Variants in SV2C observed in about 807,000 individuals in gnomAD.
The protein encoded by SV2C is solute carrier family 22 member B3.
SV2C carries 49 observed loss-of-function variants against 79.7 expected under a neutral mutation model. The ratio of observed to expected loss-of-function variants is 0.61; its 90% CI spans 0.49 to 0.78. The LOEUF (loss-of-function observed/expected upper bound fraction) is 0.78. Ranked by LOEUF, SV2C falls within the 30% of genes least tolerant of loss-of-function variation. The pLI is 0.00. For synonymous variants in SV2C, 334 were observed against 333.2 expected (o/e 1.00, Z -0.03); for missense variants, 833 against 912.9 (o/e 0.91, Z 1.13).
downstream of SV2C, among the ~76,000 whole-genome samples, chr5:76,336,103 ACCC>A (rs746216500): frequency 4.6e-5 from 2 of 43,526 alleles, no homozygotes; most frequent in Non-Finnish European, 1.5e-4. Context: ...CGGGGGTCTG[ACCC>A]CCCCCACCTC....
chr5:76,169,977 AAAT>A (rs1425197959), intron 2 of SV2C, among the ~76,000 whole-genome samples: 5 of 142,914 alleles, frequency 3.5e-5, no homozygotes, highest in African/African-American at 1.0e-4. Flanking sequence ...TATTGGTAAA[AAAT>A]AATAAATAAA....
At chr5:75,963,410 G>C in the SV2C span, among the ~76,000 whole-genome samples, 65 of 152,178 alleles carry the variant, frequency 4.3e-4, 1 homozygote, top group East Asian at 0.01. Context: ...ATTCTGGTTT[G>C]TCCTTGTATG....
intron 12 of SV2C, among the ~76,000 whole-genome samples, chr5:76,346,731 T>C (rs1448086482): frequency 6.6e-6 from 1 of 152,208 alleles, no homozygotes; most frequent in Non-Finnish European, 1.5e-5. Context: ...CTCATGTTTG[T>C]TGAATGAATA....
At chr5:76,038,993 A>G in the SV2C span, among the ~76,000 whole-genome samples, 4 of 152,210 alleles carry the variant, frequency 2.6e-5, no homozygotes, top group East Asian at 7.7e-4. Flanking sequence ...TCATTTCTCA[A>G]AGGTTCCAAT....
At chr5:76,124,295 C>T (rs1281537191) in intron 1 of SV2C, among the ~76,000 whole-genome samples, 1 of 152,168 alleles carries the variant, frequency 6.6e-6, no homozygotes, top group Non-Finnish European at 1.5e-5. Flanking sequence ...TCCTGGCAAC[C>T]ACCATTCTAT....
At chr5:76,280,197 G>C (rs2112487508) in intron 4 of SV2C, among the ~76,000 whole-genome samples, 1 of 152,200 alleles carries the variant, frequency 6.6e-6, no homozygotes. Flanking sequence ...CAAATGGAGA[G>C]AGAAATGAGT....
At chr5:75,936,203 C>G in the SV2C span, among the ~76,000 whole-genome samples, 2 of 152,296 alleles carry the variant, frequency 1.3e-5, no homozygotes, top group African/African-American at 2.4e-5. Context: ...TCTTCCCTCT[C>G]TCTCTCCAGC....
the SV2C span, among the ~76,000 whole-genome samples, chr5:76,076,997 C>A: frequency 7.2e-5 from 11 of 152,176 alleles, no homozygotes; most frequent in Non-Finnish European, 1.5e-4. Context: ...TACTATCAAA[C>A]ATCTCGTAAA....
chr5:76,122,585 A>G (rs373124696), intron 1 of SV2C, among the ~76,000 whole-genome samples: 3 of 152,152 alleles, frequency 2.0e-5, no homozygotes, highest in East Asian at 1.9e-4. Context: ...AAAACTGCTC[A>G]ACTACATGGA....
chr5:76,002,953 T>C, the SV2C span, among the ~76,000 whole-genome samples: 1 of 152,118 alleles, frequency 6.6e-6, no homozygotes. Flanking sequence ...TCTTGAGTTG[T>C]AGTTCCATAA....
At chr5:75,983,599 A>T in the SV2C span, among the ~76,000 whole-genome samples, 5 of 31,182 alleles carry the variant, frequency 1.6e-4, no homozygotes, top group South Asian at 1.3e-3. Flanking sequence ...GGCCAGCTTT[A>T]AAAAAAAAAA....
chr5:76,301,639 T>C (rs907386018), intron 12 of SV2C, 94 bp downstream of exon 12: 1 of 1,442,392 alleles, frequency 6.9e-7, no homozygotes. Context: ...CTGGGCACGG[T>C]AGCTTATGCC....
At chr5:75,965,210 C>T in the SV2C span, among the ~76,000 whole-genome samples, 1 of 152,144 alleles carries the variant, frequency 6.6e-6, no homozygotes, top group African/African-American at 2.4e-5. Flanking sequence ...GGCTTACAAC[C>T]AACCTGAGAT....
chr5:76,123,943 T>C (rs1433429583), intron 1 of SV2C, among the ~76,000 whole-genome samples: 1 of 152,186 alleles, frequency 6.6e-6, no homozygotes, highest in Non-Finnish European at 1.5e-5. Flanking sequence ...TCTAAATTAA[T>C]TATATGCTCA....
the SV2C span, among the ~76,000 whole-genome samples, chr5:75,999,220 G>T: frequency 6.6e-6 from 1 of 152,054 alleles, no homozygotes; most frequent in Non-Finnish European, 1.5e-5. Context: ...TTCAAGATGA[G>T]ATTTGGGTGG....
chr5:76,058,854 A>G, the SV2C span, among the ~76,000 whole-genome samples: 1 of 152,116 alleles, frequency 6.6e-6, no homozygotes, highest in Non-Finnish European at 1.5e-5. Flanking sequence ...ATAGCCTTTT[A>G]CAATACTTTA....
the SV2C span, among the ~76,000 whole-genome samples, chr5:76,047,805 G>A: frequency 7.8e-6 from 1 of 128,562 alleles, no homozygotes; most frequent in East Asian, 2.2e-4. Context: ...TTGCTTTGTC[G>A]CCCAGGCTGG....
At chr5:76,048,541 G>T in the SV2C span, among the ~76,000 whole-genome samples, 2 of 152,078 alleles carry the variant, frequency 1.3e-5, no homozygotes, top group African/African-American at 4.8e-5. Context: ...CTCAGTGAAG[G>T]TGACACAAAA....
chr5:75,854,406 T>C, the SV2C span, among the ~76,000 whole-genome samples: 1 of 152,196 alleles, frequency 6.6e-6, no homozygotes, highest in African/African-American at 2.4e-5. Flanking sequence ...CTGAGTTGTA[T>C]GGTAAATGTA....
Sources: allele counts gnomAD v4.1 joint callset (sites outside exome capture counted in the v4.1 genomes callset), GRCh38; gene constraint gnomAD v4.1.1; transcripts MANE v1.5; gene names NCBI Gene and HGNC (gene_info 2026-07-23, HGNC 2026-07-21).